Variants in ALPK2 observed in about 807,000 individuals in gnomAD.
ALPK2 encodes the protein alpha-protein kinase 2.
Under a neutral mutation model 163.1 loss-of-function variants are expected in ALPK2, and 127 were observed. The observed-to-expected ratio is 0.78, with a 90% CI of 0.67 to 0.90. ALPK2 has a LOEUF of 0.90. Among genes scored for constraint, ALPK2 ranks in the 40% least tolerant of loss-of-function variants. The probability of loss-of-function intolerance (pLI) is 0.00; values close to 1 mark genes in which losing one functional copy is unlikely to be tolerated. For synonymous variants in ALPK2, 953 were observed against 959.1 expected (o/e 0.99, Z 0.12); for missense variants, 2,360 against 2,589.6 (o/e 0.91, Z 1.92).
chr18:58,530,427 G>T (rs977042479), intron 5 of ALPK2, among the ~76,000 whole-genome samples: 2 of 152,182 alleles, frequency 1.3e-5, no homozygotes, highest in Admixed American at 1.3e-4. Context: ...GGGCCTGCTG[G>T]TTCCTGCCCA....
intron 4 of ALPK2, among the ~76,000 whole-genome samples, chr18:58,546,204 C>T (rs1045094622): frequency 3.3e-5 from 5 of 152,196 alleles, no homozygotes; most frequent in African/African-American, 1.2e-4. Context: ...CTAAACACCC[C>T]TATATCTGAC....
chr18:58,625,004 T>C (rs1479909751), intron 1 of ALPK2, among the ~76,000 whole-genome samples: 1 of 152,188 alleles, frequency 6.6e-6, no homozygotes, highest in Non-Finnish European at 1.5e-5. Flanking sequence ...ACCACACTAA[T>C]TTCTGATTTC....
intron 10 of ALPK2, among the ~76,000 whole-genome samples, chr18:58,506,591 G>A (rs1185723799): frequency 4.6e-5 from 7 of 152,122 alleles, no homozygotes; most frequent in African/African-American, 2.4e-5. Flanking sequence ...GGAGGGCAGA[G>A]GTGACTAAGA....
chr18:58,623,863 T>A lies in ALPK2; in HGVS notation c.-21+4901A>T, dbSNP rs60428657. ...AAGCATGCCCATCCTAATTTTTTTT[T>A]AAATTTTTTCTGGCTTACCTTTAGC... On this transcript the variant is annotated intron_variant, in intron 1 of 12. Coordinates refer to ENST00000361673, the MANE Select transcript of ALPK2 (RefSeq NM_052947.4). 8.2e-3 allele frequency among the ~76,000 whole-genome samples: 1,252 copies of A among 152,328 alleles called. 17 individuals are homozygous for A. Among genetic ancestry groups the A allele is most frequent in the African/African-American group, 0.029 (1,189 of 41,554 alleles).
intron 3 of ALPK2, among the ~76,000 whole-genome samples, chr18:58,596,518 C>T (rs1355714994): frequency 4.6e-5 from 7 of 152,222 alleles, no homozygotes; most frequent in Non-Finnish European, 1.0e-4. Flanking sequence ...TGGGAAGTGA[C>T]AAGGACAGAA....
chr18:58,555,205 C>G (rs2051783891), intron 4 of ALPK2, among the ~76,000 whole-genome samples: 3 of 152,208 alleles, frequency 2.0e-5, no homozygotes. Context: ...GTTCGAGTAA[C>G]AACTGGTTAA....
intron 1 of ALPK2, among the ~76,000 whole-genome samples, chr18:58,627,851 G>T (rs1377085205): frequency 1.3e-5 from 2 of 152,072 alleles, no homozygotes; most frequent in Non-Finnish European, 2.9e-5. Flanking sequence ...CCTTCAATTT[G>T]TCCTTAGTTG....
Position 58,579,735 on chromosome 18 carries a change from G to C in ALPK2, c.1041C>G (p.Asn347Lys). 2 of 1,614,204 alleles carry C rather than the reference G, an allele frequency of 1.2e-6. No homozygotes were observed. Among genetic ancestry groups the C allele is most frequent in the Non-Finnish European group, 1.7e-6 (2 of 1,180,040 alleles). The change falls in exon 4 of 13, where the codon AAC becomes AAG. Residue 347 changes from asparagine (N) to lysine (K), a missense_variant. Coordinates refer to ENST00000361673, the MANE Select transcript of ALPK2 (RefSeq NM_052947.4). Reference protein sequence around the residue: ...TDYSNAVWQRNLLGTEHVFLL... With the variant: ...TDYSNAVWQRKLLGTEHVFLL... ...AAAAAACATGCTCAGTCCCCAGCAG[G>C]TTCCTTTGCCAAACTGCATTAGAGT...
intron 5 of ALPK2, 79 bp downstream of exon 5, chr18:58,534,755 G>A: frequency 1.3e-6 from 2 of 1,504,160 alleles, no homozygotes. Context: ...AATTGCAAAG[G>A]ACCCTCGAGG....
chr18:58,588,902 G>A (rs143331105), intron 3 of ALPK2, among the ~76,000 whole-genome samples: 1 of 152,330 alleles, frequency 6.6e-6, no homozygotes, highest in Admixed American at 6.5e-5. Flanking sequence ...ACATATGCGT[G>A]CATATATCTT....
chr18:58,502,181 A>ACACACACACACAC (rs1568067744), intron 11 of ALPK2, among the ~76,000 whole-genome samples: 3 of 112,408 alleles, frequency 2.7e-5, no homozygotes, highest in African/African-American at 1.0e-4. Flanking sequence ...CACACACACA[A>ACACACACACACAC]AGAAAAAAAA....
chr18:58,580,656 AAGG>A (rs945441962), intron 3 of ALPK2, 108 bp from the exon 4 acceptor site: 1 of 1,072,568 alleles, frequency 9.3e-7, no homozygotes, highest in African/African-American at 1.6e-5. Flanking sequence ...CTGCATGTTC[AAGG>A]AGATCTGTGA....
chr18:58,609,048 G>A (rs12964906), intron 2 of ALPK2, among the ~76,000 whole-genome samples: 21,085 of 151,972 alleles, frequency 0.14, 1,588 homozygotes, highest in Non-Finnish European at 0.16. Context: ...GAAAAAGTTC[G>A]TTAGACCTGC....
intron 10 of ALPK2, among the ~76,000 whole-genome samples, chr18:58,509,644 A>G (rs1184722372): frequency 3.3e-5 from 5 of 151,802 alleles, no homozygotes; most frequent in Admixed American, 6.6e-5. Flanking sequence ...GTGATGATGA[A>G]CATTTTTTCA....
intron 10 of ALPK2, among the ~76,000 whole-genome samples, chr18:58,514,560 A>G (rs1365879370): frequency 6.6e-6 from 1 of 152,128 alleles, no homozygotes; most frequent in African/African-American, 2.4e-5. Flanking sequence ...TGATCACCCA[A>G]TCCACTCTTC....
intron 5 of ALPK2, among the ~76,000 whole-genome samples, 179 bp downstream of exon 5, chr18:58,534,655 A>C (rs963792035): frequency 2.0e-5 from 3 of 152,182 alleles, no homozygotes; most frequent in Non-Finnish European, 4.4e-5. Context: ...TCTGGGTTTT[A>C]ACAAGTCCTC....
rs1478568401 is a variant in ALPK2, at chr18:58,578,731, G to GAC, written c.1962+82_1962+83insGT. On this transcript the variant is annotated intron_variant, in intron 4 of 12. Transcript: ENST00000361673. The stretch of plus-strand genomic sequence containing the variant: ...CAATTGTGAATGTGAAGTAAAGGAA[G>GAC]AGACACACACACACACACACACACA... 2.2e-4 allele frequency: 23 copies of GAC among 104,304 alleles called. No individual in the cohort carries two copies. In the African/African-American group the frequency reaches 3.0e-3, roughly 14 times the overall value. The allele number at this position is 104,304 out of a possible 1,614,324, so 6.5% of individuals were successfully genotyped here.
intron 4 of ALPK2, among the ~76,000 whole-genome samples, chr18:58,575,898 G>C (rs73961631): frequency 9.5e-4 from 144 of 152,320 alleles, no homozygotes; most frequent in African/African-American, 3.1e-3. Context: ...ACCTAGAGAT[G>C]CATGTTTAGG....
chr18:58,489,075 AG>A (rs1220262153), intron 12 of ALPK2, among the ~76,000 whole-genome samples: 1 of 152,154 alleles, frequency 6.6e-6, no homozygotes, highest in African/African-American at 2.4e-5. Flanking sequence ...TCTCAGCGGG[AG>A]GAAGTTCTGT....
Sources: gnomAD v4.1 joint callset for allele counts (sites outside exome capture counted in the v4.1 genomes callset) on GRCh38, gnomAD v4.1.1 for gene constraint, MANE v1.5 for transcripts, NCBI Gene and HGNC (gene_info 2026-07-23, HGNC 2026-07-21) for gene names.